Variants in PPP1R16B observed in about 807,000 individuals in gnomAD.
PPP1R16B encodes protein phosphatase 1 regulatory subunit 16B.
In PPP1R16B, 14 loss-of-function variants were observed where a neutral mutation model predicts 61.7. That is an observed-to-expected ratio of 0.23 (90% confidence interval 0.15 to 0.35). PPP1R16B has a LOEUF of 0.35. Ranked by LOEUF, PPP1R16B falls within the 10% of genes least tolerant of loss-of-function variation. The pLI is 1.00. For missense variants in PPP1R16B, 547 were observed against 752.5 expected, an observed-to-expected ratio of 0.73 and a Z score of 3.19; for synonymous variants, 266 against 305.3, an observed-to-expected ratio of 0.87 and a Z score of 1.34.
intron 1 of PPP1R16B, among the ~76,000 whole-genome samples, chr20:38,832,523 G>A (rs2084843740): frequency 6.6e-6 from 1 of 152,156 alleles, no homozygotes; most frequent in African/African-American, 2.4e-5. Context: ...AGAAAGCAGT[G>A]ACAATCCCAA....
intron 2 of PPP1R16B, among the ~76,000 whole-genome samples, chr20:38,859,903 C>T (rs1254364015): frequency 6.6e-6 from 1 of 152,170 alleles, no homozygotes; most frequent in Non-Finnish European, 1.5e-5. Flanking sequence ...AATGTCATTT[C>T]AGCATGCAAT....
Position 38,907,278 on chromosome 20 carries a change from T to C in PPP1R16B, c.898+224T>C, listed in dbSNP as rs6028199. Among the ~76,000 whole-genome samples, 979 of 151,834 alleles carry C rather than the reference T, an allele frequency of 6.4e-3. 10 individuals carry two copies. Among genetic ancestry groups the C allele is most frequent in the African/African-American group, 0.023 (942 of 41,372 alleles). Reference sequence around the variant, plus strand: ...GGTTGAGGTGGTAGATGGGTAGATATTATGAGGTCTGGTTGAATGGATGGG... The same window carrying C: ...GGTTGAGGTGGTAGATGGGTAGATACTATGAGGTCTGGTTGAATGGATGGG... On this transcript the variant is annotated intron_variant, in intron 8 of 10. Coordinates refer to ENST00000299824, the MANE Select transcript of PPP1R16B (RefSeq NM_015568.4). This position sits in a 1 kb window ranked among gnomAD's most constrained non-coding sequence, Gnocchi z 4.5.
Position 38,836,163 on chromosome 20 carries a change from G to T in PPP1R16B, c.238G>T (p.Asp80Tyr). ...VALLEASLRN[D>Y]AEEVRYFLKN... is the part of the protein sequence containing the mutation. Reference sequence around the variant, plus strand: ...CCTGCTGGAGGCCTCGCTGAGGAACGACGCCGAGGAAGGTAGGCCCCTCTG... The same window carrying T: ...CCTGCTGGAGGCCTCGCTGAGGAACTACGCCGAGGAAGGTAGGCCCCTCTG... Residue 80 changes from aspartate (D) to tyrosine (Y), a missense_variant, in exon 2 of 11, where the codon GAC becomes TAC. Coordinates refer to ENST00000299824, the MANE Select transcript of PPP1R16B (RefSeq NM_015568.4). The T allele has an allele frequency of 6.2e-7, 1 of 1,610,082 alleles. No homozygotes were observed. Among genetic ancestry groups the T allele is most frequent in the South Asian group, 1.1e-5 (1 of 90,856 alleles).
intron 10 of PPP1R16B, among the ~76,000 whole-genome samples, chr20:38,917,633 G>A (rs1258600277): frequency 6.6e-6 from 1 of 152,156 alleles, no homozygotes; most frequent in Non-Finnish European, 1.5e-5. Flanking sequence ...TTACACACAA[G>A]GAATTTATTG....
At chr20:38,908,237 G>A (rs1321695530) in intron 10 of PPP1R16B, 44 bp downstream of exon 10, 2 of 1,609,474 alleles carry the variant, frequency 1.2e-6, no homozygotes, top group African/African-American at 1.3e-5. Context: ...CACTGCAATG[G>A]GAGGAGAACA....
In PPP1R16B at chr20:38,918,174, G is replaced by C; in HGVS notation, c.1212G>C (p.Lys404Asn). The C allele has an allele frequency of 6.2e-7, 1 of 1,614,102 alleles. No individual in the cohort carries two copies. The highest frequency in any genetic ancestry group is 1.1e-5 in the South Asian group (1 of 91,088). Residue 404 changes from lysine to asparagine, a missense_variant, in exon 11 of 11, where the codon AAG (lysine) becomes AAC (asparagine). By Grantham distance (94) the Lys-to-Asn change is moderately conservative. Coordinates refer to ENST00000299824, the MANE Select transcript of PPP1R16B (RefSeq NM_015568.4). The surrounding 1 kb of genome is among the most constrained non-coding windows in gnomAD (Gnocchi z 5.3). Reference sequence around the variant, plus strand: ...ACTCGCAGAACCCCAGGCTGGAGAAGCCCGTGCTACTCTCCGAATTTCCTA... The same window carrying C: ...ACTCGCAGAACCCCAGGCTGGAGAACCCCGTGCTACTCTCCGAATTTCCTA... The part of the protein sequence containing the change: ...ENKDPNPRLE[K>N]PVLLSEFPTK...
At chr20:38,866,358 T>G (rs1489458351) in intron 2 of PPP1R16B, among the ~76,000 whole-genome samples, 4 of 152,060 alleles carry the variant, frequency 2.6e-5, no homozygotes, top group Non-Finnish European at 5.9e-5. Context: ...GCAACTGACT[T>G]GATTTCTCTG....
chr20:38,885,091 T>A (rs1029075003), intron 2 of PPP1R16B, among the ~76,000 whole-genome samples: 2 of 143,718 alleles, frequency 1.4e-5, no homozygotes, highest in Non-Finnish European at 3.0e-5. Flanking sequence ...TGGTGACTCA[T>A]GCCTTAAATC....
chr20:38,853,208 T>G (rs921525137), intron 2 of PPP1R16B, among the ~76,000 whole-genome samples: 7 of 152,190 alleles, frequency 4.6e-5, no homozygotes, highest in South Asian at 2.1e-4. Flanking sequence ...GGAGGAACAC[T>G]GGGGTTTGAA....
intron 2 of PPP1R16B, among the ~76,000 whole-genome samples, chr20:38,873,479 TCA>T (rs1226473719): frequency 6.6e-6 from 1 of 152,210 alleles, no homozygotes; most frequent in Non-Finnish European, 1.5e-5. Context: ...GTCTGTGTTC[TCA>T]CAGTTTCTGT....
chr20:38,880,530 A>T (rs760484871), intron 2 of PPP1R16B, among the ~76,000 whole-genome samples: 1 of 152,142 alleles, frequency 6.6e-6, no homozygotes, highest in Non-Finnish European at 1.5e-5. Context: ...TTAGCTGGGC[A>T]TGGTGGTGCG....
chr20:38,823,551 G>A (rs2084785817), intron 1 of PPP1R16B, among the ~76,000 whole-genome samples: 1 of 151,998 alleles, frequency 6.6e-6, no homozygotes, highest in Non-Finnish European at 1.5e-5. Context: ...TGAGGCAGGA[G>A]AATTGCTTGA....
chr20:38,919,028 A>C lies in PPP1R16B; in HGVS notation c.*362A>C. 1 of 184,776 alleles carries C rather than the reference A, an allele frequency of 5.4e-6. No individual in the cohort carries two copies. Among genetic ancestry groups the C allele is most frequent in the Non-Finnish European group, 1.1e-5 (1 of 89,346 alleles). 11.4% of individuals were successfully genotyped at this position (184,776 alleles called of 1,614,324 possible). On this transcript the variant is annotated 3_prime_UTR_variant, in exon 11 of 11. Coordinates refer to ENST00000299824, the MANE Select transcript of PPP1R16B (RefSeq NM_015568.4). ...CACACACACACACACACATATACACACACACACAAGCTCGATCAGTGTGTG... is the reference window on the plus strand; with the variant it reads ...CACACACACACACACACATATACACCCACACACAAGCTCGATCAGTGTGTG...
rs1213329170 is a variant in PPP1R16B, at chr20:38,900,667, C to T, written c.554C>T (p.Thr185Ile). ...GAACCCACCCTGGATGTCATCGAGA[C>T]CTGCATGGCATACCAGGGTAAGGGA... ...EDEPTLDVIETCMAYQGITQE... is the reference protein window; with the variant it reads ...EDEPTLDVIEICMAYQGITQE... The change falls in exon 5 of 11, where the codon ACC becomes ATC. Residue 185 changes from threonine (T) to isoleucine (I), a missense_variant. Transcript: ENST00000299824. 4 of 1,589,004 alleles carry T rather than the reference C, an allele frequency of 2.5e-6. No individual in the cohort carries two copies. The highest frequency in any genetic ancestry group is 2.6e-6 in the Non-Finnish European group (3 of 1,170,192).
intron 2 of PPP1R16B, among the ~76,000 whole-genome samples, chr20:38,850,373 A>G (rs6071605): frequency 2.0e-5 from 3 of 151,972 alleles, no homozygotes; most frequent in African/African-American, 7.3e-5. Context: ...TATTGGGATG[A>G]TATTTCCAGA....
At chr20:38,859,267 C>A (rs1253076567) in intron 2 of PPP1R16B, among the ~76,000 whole-genome samples, 1 of 146,008 alleles carries the variant, frequency 6.8e-6, no homozygotes, top group Non-Finnish European at 1.5e-5. Context: ...GGGTGGGGAA[C>A]GGGGAGTGAC....
intron 10 of PPP1R16B, among the ~76,000 whole-genome samples, chr20:38,913,867 G>C (rs1051708345): frequency 9.9e-5 from 15 of 152,188 alleles, no homozygotes; most frequent in Admixed American, 8.5e-4. Context: ...AGGATCCTGT[G>C]GGGAGGGGAG....
chr20:38,904,069 C>T (rs1374488448), intron 6 of PPP1R16B, among the ~76,000 whole-genome samples: 1 of 151,624 alleles, frequency 6.6e-6, no homozygotes, highest in African/African-American at 2.4e-5. Flanking sequence ...GTGGGCTTCT[C>T]CCACCTGCTT....
chr20:38,911,540 T>C (rs2085490358), intron 10 of PPP1R16B, among the ~76,000 whole-genome samples: 1 of 151,866 alleles, frequency 6.6e-6, no homozygotes. Context: ...GCTCCTTTTT[T>C]TTTTTTTTTA....
Sources: gnomAD v4.1 joint callset for allele counts (sites outside exome capture counted in the v4.1 genomes callset) on GRCh38, gnomAD v4.1.1 for gene constraint, Gnocchi (gnomAD v3.1) non-coding constraint, MANE v1.5 for transcripts, NCBI Gene and HGNC (gene_info 2026-07-23, HGNC 2026-07-21) for gene names.